Variants in ZNFX1 observed in about 807,000 individuals in gnomAD.
The protein encoded by ZNFX1 is zinc finger NFX1-type containing 1, also known as NFX1-type zinc finger-containing protein 1.
ZNFX1 carries 78 observed loss-of-function variants against 179.8 expected under a neutral mutation model. The observed-to-expected ratio is 0.43, with a 90% CI of 0.36 to 0.52. The LOEUF is 0.52. Ranked by LOEUF, ZNFX1 falls within the 20% of genes least tolerant of loss-of-function variation. ZNFX1 has a pLI of 0.00. For synonymous variants in ZNFX1, 848 were observed against 868.5 expected (o/e 0.98, Z 0.42); for missense variants, 1,927 against 2,386.6 (o/e 0.81, Z 4.01).
chr20:49,259,433 CTT>C (rs917171218), intron 7 of ZNFX1, among the ~76,000 whole-genome samples: 2 of 142,026 alleles, frequency 1.4e-5, no homozygotes, highest in Non-Finnish European at 1.5e-5. Flanking sequence ...CATAACTTGC[CTT>C]TTTTTTTTTT....
intron 5 of ZNFX1, 85 bp from the exon 6 acceptor site, chr20:49,263,568 A>G (rs1981166564): frequency 1.4e-5 from 20 of 1,460,272 alleles, no homozygotes; most frequent in Non-Finnish European, 1.7e-5. Context: ...AGCAAAGCTA[A>G]GACAGGAACA....
rs1981233744 is a variant in ZNFX1, at chr20:49,266,368, A to G, written c.1871-102T>C. ...TTTAAATTTAATATAATACATTAAG[A>G]TAGTTTAAAATCTAAGAAGCGTACA... On this transcript the variant is annotated intron_variant, in intron 3 of 13. Transcript: ENST00000396105. 4 of 1,122,552 alleles carry G rather than the reference A, an allele frequency of 3.6e-6. No homozygotes were observed. In the South Asian group the frequency reaches 5.4e-5, roughly 15 times the overall value. The allele number at this position is 1,122,552 out of a possible 1,614,324, so 69.5% of individuals were successfully genotyped here.
At chr20:49,277,476 A>G (rs1601001498) in intron 1 of ZNFX1, among the ~76,000 whole-genome samples, 2 of 147,056 alleles carry the variant, frequency 1.4e-5, no homozygotes, top group African/African-American at 5.1e-5. Context: ...GGGGATTGAT[A>G]AGGTGACAGG....
chr20:49,254,387 G>A lies in ZNFX1; in HGVS notation c.2959+108C>T, dbSNP rs1201967420. On this transcript the variant is annotated intron_variant, in intron 10 of 13. Coordinates refer to ENST00000396105, the MANE Select transcript of ZNFX1 (RefSeq NM_021035.3). ...TGGGTGCTTTCAGTAGCTTTTCATG[G>A]TATTTTCCTCTAACCTACCAAAGAA... 6 of 1,385,736 alleles carry A rather than the reference G, an allele frequency of 4.3e-6. No homozygotes were observed. In the East Asian group the frequency reaches 1.2e-4, roughly 27 times the overall value. The allele number at this position is 1,385,736 out of a possible 1,614,324, so 85.8% of individuals were successfully genotyped here.
At chr20:49,273,377 CT>C (rs375644703) in intron 2 of ZNFX1, among the ~76,000 whole-genome samples, 2,753 of 152,208 alleles carry the variant, frequency 0.018, 43 homozygotes, top group South Asian at 0.024. Context: ...CGTGATCCGC[CT>C]GCCTCGGCCT....
chr20:49,254,877 G>T (rs921628707), intron 9 of ZNFX1, among the ~76,000 whole-genome samples: 4 of 152,048 alleles, frequency 2.6e-5, no homozygotes, highest in African/African-American at 9.7e-5. Context: ...GGTTAACTAT[G>T]GGAAGAAAAT....
In ZNFX1 at chr20:49,270,849, T is replaced by A. The variant is rs1433259040; in HGVS notation, c.963A>T (p.Leu321=). 2 of 1,614,194 alleles carry A rather than the reference T, an allele frequency of 1.2e-6. No homozygotes were observed. Among genetic ancestry groups the A allele is most frequent in the Non-Finnish European group, 8.5e-7 (1 of 1,180,026 alleles). The change falls in exon 3 of 14, where the codon CTA becomes CTT. Residue 321 remains leucine (L), a synonymous_variant. Coordinates refer to ENST00000396105, the MANE Select transcript of ZNFX1 (RefSeq NM_021035.3). This position sits in a 1 kb window ranked among gnomAD's most constrained non-coding sequence, Gnocchi z 4.6. ...EGTLRVDTYT[L]VQPEAEDHVE... ...CATGGTCTTCTGCCTCAGGCTGCACTAGAGTGTAGGTATCCACTCTCAAAG... is the reference window on the plus strand; with the variant it reads ...CATGGTCTTCTGCCTCAGGCTGCACAAGAGTGTAGGTATCCACTCTCAAAG...
rs202073916 is a variant in ZNFX1 at position 49,248,963 on chromosome 20, C to T, written c.4061G>A (p.Arg1354Gln). The change falls in exon 14 of 14, where the codon CGG (arginine) becomes CAG (glutamine). Residue 1354 changes from arginine (R) to glutamine (Q), a missense_variant. Coordinates refer to ENST00000396105, the MANE Select transcript of ZNFX1 (RefSeq NM_021035.3). The surrounding 1 kb of genome is among the most constrained non-coding windows in gnomAD (Gnocchi z 4.6). ...CQVKVPKTIP[R>Q]CGHEQMVPCS... ...AGGGACCATTTGTTCATGGCCGCACCGAGGAATGGTTTTGGGCACCTTCAC... is the reference window on the plus strand; with the variant it reads ...AGGGACCATTTGTTCATGGCCGCACTGAGGAATGGTTTTGGGCACCTTCAC... The T allele has an allele frequency of 3.1e-4, 503 of 1,614,234 alleles. 1 individual carries two copies. The highest frequency in any genetic ancestry group is 3.8e-4 in the Non-Finnish European group (454 of 1,180,044).
chr20:49,275,428 C>CA (rs1288657610), intron 2 of ZNFX1, among the ~76,000 whole-genome samples: 3 of 152,096 alleles, frequency 2.0e-5, no homozygotes, highest in African/African-American at 7.2e-5. Context: ...CTTCTACACC[C>CA]ACCCCTTCCT....
In ZNFX1 at chr20:49,247,992, G is replaced by C. The variant is rs778051512; in HGVS notation, c.5032C>G (p.Leu1678Val). 2.5e-6 allele frequency: 4 copies of C among 1,614,002 alleles called. No individual in the cohort carries two copies. The highest frequency in any genetic ancestry group is 2.5e-6 in the Non-Finnish European group (3 of 1,180,032). The change falls in exon 14 of 14, where the codon CTT becomes GTT. Residue 1678 changes from leucine (L) to valine (V), a missense_variant. By Grantham distance (32) the Leu-to-Val change is conservative. Coordinates refer to ENST00000396105, the MANE Select transcript of ZNFX1 (RefSeq NM_021035.3). ...LERKSLLHQL[L>V]PEDFLMLKEK... ...TTTAACATCAGGAAGTCTTCAGGAA[G>C]CAGCTGGTGGAGGAGGCTCTTCCTC...
chr20:49,259,667 G>A (rs929893210), intron 7 of ZNFX1, among the ~76,000 whole-genome samples: 9 of 152,134 alleles, frequency 5.9e-5, no homozygotes, highest in Admixed American at 3.9e-4. Context: ...GGGCTGAAAC[G>A]ATCCTCCTGC....
chr20:49,254,200 T>C (rs1181212099), intron 10 of ZNFX1, among the ~76,000 whole-genome samples: 1 of 152,096 alleles, frequency 6.6e-6, no homozygotes. Context: ...CTAATTTTTG[T>C]ATTTTTAGTA....
chr20:49,263,312 T>A (rs1024212377), intron 6 of ZNFX1, 22 bp downstream of exon 6: 1 of 1,610,154 alleles, frequency 6.2e-7, no homozygotes, highest in Admixed American at 1.7e-5. Context: ...GACATATTTG[T>A]GTCCCCCAGG....
intron 2 of ZNFX1, among the ~76,000 whole-genome samples, chr20:49,272,292 C>G (rs1379667645): frequency 1.3e-5 from 2 of 151,934 alleles, no homozygotes; most frequent in Non-Finnish European, 2.9e-5. Context: ...ATTCTCCTGC[C>G]TCGGCTCCCG....
Position 49,255,874 on chromosome 20 carries a change from G to A in ZNFX1, c.2738C>T (p.Ala913Val), listed in dbSNP as rs1475636383. 7 of 1,614,184 alleles carry A rather than the reference G, an allele frequency of 4.3e-6. No individual in the cohort carries two copies. The highest frequency in any genetic ancestry group is 2.2e-5 in the South Asian group (2 of 91,080). Residue 913 changes from alanine (A) to valine (V), a missense_variant, in exon 9 of 14, where the codon GCA (alanine) becomes GTA (valine). Transcript: ENST00000396105. The part of the protein sequence containing the change: ...DELRKLNTMT[A>V]AEANEIEDVW... ...ATCCTCGATCTCGTTGGCCTCGGCT[G>A]CAGTCATGGTGTTCAGTTTGCGAAG...
rs1250660531 is a variant in ZNFX1, at chr20:49,246,341, G to A, written c.*926C>T. 6.5e-6 allele frequency: 1 copy of A among 152,808 alleles called. No homozygotes were observed. Among genetic ancestry groups the A allele is most frequent in the East Asian group, 1.9e-4 (1 of 5,194 alleles). The allele number at this position is 152,808 out of a possible 1,614,324, so 9.5% of individuals were successfully genotyped here. Reference sequence around the variant, plus strand: ...ATGACGACCTGGGCCTGCTGCATAAGGCCCATCTTATGCAGCATGTGGGCT... The same window carrying A: ...ATGACGACCTGGGCCTGCTGCATAAAGCCCATCTTATGCAGCATGTGGGCT... On this transcript the variant is annotated 3_prime_UTR_variant, in exon 14 of 14. Coordinates refer to ENST00000396105, the MANE Select transcript of ZNFX1 (RefSeq NM_021035.3).
At position 49,271,486 on chromosome 20, in the gene ZNFX1, T is replaced by C. The variant is rs778250143; in HGVS notation, c.326A>G (p.Asn109Ser). ...QENDTRWRNG[N>S]QDCRNRRPPW... The stretch of plus-strand genomic sequence containing the variant: ...TGGTCTGCGGTTCCTACAGTCCTGG[T>C]TGCCATTTCTCCACCTGGTGTCATT... Residue 109 changes from asparagine to serine, a missense_variant, in exon 3 of 14, where the codon AAC becomes AGC. Physicochemically the swap from Asn to Ser is conservative, Grantham distance 46. Coordinates refer to ENST00000396105, the MANE Select transcript of ZNFX1 (RefSeq NM_021035.3). 11 of 1,614,102 alleles carry C rather than the reference T, an allele frequency of 6.8e-6. No homozygotes were observed. The African/African-American group carries it at 1.5e-4, about 22-fold the overall frequency.
chr20:49,273,357 C>T (rs998156573), intron 2 of ZNFX1, among the ~76,000 whole-genome samples: 1 of 152,002 alleles, frequency 6.6e-6, no homozygotes, highest in Admixed American at 6.6e-5. Flanking sequence ...TGGTCTCAAT[C>T]TCCTGACCTC....
At position 49,248,015 on chromosome 20, in the gene ZNFX1, C is replaced by G; in HGVS notation, c.5009G>C (p.Arg1670Thr). ...SQERLKALLE[R>T]KSLLHQLLPE... ...AAGCAGCTGGTGGAGGAGGCTCTTC[C>G]TCTCCAGCAGGGCCTTAAGCCGTTC... Residue 1670 changes from arginine (R) to threonine (T), a missense_variant, in exon 14 of 14, where the codon AGG becomes ACG. Physicochemically the swap from Arg to Thr is moderately conservative, Grantham distance 71 (BLOSUM62 -1). Coordinates refer to ENST00000396105, the MANE Select transcript of ZNFX1 (RefSeq NM_021035.3). This position sits in a 1 kb window ranked among gnomAD's most constrained non-coding sequence, Gnocchi z 4.6. The G allele has an allele frequency of 6.2e-7, 1 of 1,614,178 alleles. No individual in the cohort carries two copies. The highest frequency in any genetic ancestry group is 2.2e-5 in the East Asian group (1 of 44,882).
Sources: allele counts gnomAD v4.1 joint callset (sites outside exome capture counted in the v4.1 genomes callset), GRCh38; gene constraint gnomAD v4.1.1; non-coding constraint Gnocchi (gnomAD v3.1); transcripts MANE v1.5; gene names NCBI Gene and HGNC (gene_info 2026-07-23, HGNC 2026-07-21).